The following DKK3 variants were observed in gnomAD, a reference collection of about 807,000 sequenced individuals.
DKK3 encodes the protein dickkopf-related protein 3.
A neutral mutation model predicts 33.2 loss-of-function variants in DKK3; 22 were observed. The observed-to-expected ratio is 0.66, with a 90% CI of 0.47 to 0.95. The LOEUF is 0.95. Ranked by LOEUF, DKK3 falls within the 40% of genes least tolerant of loss-of-function variation. The pLI is 0.00. For missense variants in DKK3, 398 were observed against 458.4 expected (o/e 0.87, Z 1.20); for synonymous variants, 194 against 188.8 (o/e 1.03, Z -0.23).
intron 6 of DKK3, among the ~76,000 whole-genome samples, chr11:11,964,932 G>T (rs1847551174): frequency 6.6e-6 from 1 of 152,150 alleles, no homozygotes; most frequent in Non-Finnish European, 1.5e-5. Flanking sequence ...CTGACCTCCT[G>T]TGACTCTCAG....
At chr11:11,987,924 G>A (rs529867648) in intron 3 of DKK3, among the ~76,000 whole-genome samples, 1 of 152,236 alleles carries the variant, frequency 6.6e-6, no homozygotes, top group African/African-American at 2.4e-5. Context: ...GCCACAAGGG[G>A]TCCAGGAAAT....
At chr11:11,984,446 T>C (rs980128196) in intron 3 of DKK3, among the ~76,000 whole-genome samples, 5 of 152,154 alleles carry the variant, frequency 3.3e-5, no homozygotes, top group African/African-American at 4.8e-5. Context: ...GCAAATATTG[T>C]GGTTTGTTGT....
chr11:11,970,619 G>A (rs140915210), intron 3 of DKK3, among the ~76,000 whole-genome samples: 3 of 152,294 alleles, frequency 2.0e-5, no homozygotes, highest in Non-Finnish European at 2.9e-5. Context: ...GGTAGGGAGC[G>A]CACTCTGGAT....
chr11:11,973,837 T>C (rs1484933849), intron 3 of DKK3, among the ~76,000 whole-genome samples: 1 of 152,166 alleles, frequency 6.6e-6, no homozygotes, highest in Non-Finnish European at 1.5e-5. Flanking sequence ...AGGCTCTGAG[T>C]GAGCAGAAGT....
chr11:11,998,701 T>C lies in DKK3; in HGVS notation c.430A>G (p.Ser144Gly), dbSNP rs765132851. ...CAGGGGAAATGACAACTTACGTGGC[T>C]CCTTCTGCCTTCTTCGTCTCCCACA... ...TSVGDEEGRR[S>G]HECIIDEDCG... Residue 144 changes from serine (S) to glycine (G), a missense_variant, in exon 3 of 7, where the codon AGC (serine) becomes GGC (glycine). Ser to Gly is a moderately conservative substitution (Grantham distance 56). Transcript: ENST00000683431. 1.2e-6 allele frequency: 2 copies of C among 1,613,964 alleles called. No individual in the cohort carries two copies. Among genetic ancestry groups the C allele is most frequent in the Non-Finnish European group, 1.7e-6 (2 of 1,179,838 alleles).
At chr11:11,972,470 A>C (rs1011517428) in intron 3 of DKK3, among the ~76,000 whole-genome samples, 1 of 152,210 alleles carries the variant, frequency 6.6e-6, no homozygotes, top group Non-Finnish European at 1.5e-5. Flanking sequence ...TGTCCACCCC[A>C]GGCAAGTCCT....
At position 11,993,204 on chromosome 11, in the gene DKK3, A is replaced by T. The variant is rs111427567; in HGVS notation, c.435+5492T>A. 2.1e-3 allele frequency among the ~76,000 whole-genome samples: 315 copies of T among 152,342 alleles called. 1 individual carries two copies. Among genetic ancestry groups the T allele is most frequent in the African/African-American group, 7.4e-3 (307 of 41,592 alleles). ...AAATTCACAAACTCTTTTGAAAATA[A>T]AGAAATCTATAAAGGGTCTCTGCAA... is the stretch of plus-strand genomic sequence containing the variant. On this transcript the variant is annotated intron_variant, in intron 3 of 6. Transcript: ENST00000683431.
intron 3 of DKK3, among the ~76,000 whole-genome samples, chr11:11,970,216 G>A (rs1839629066): frequency 6.6e-6 from 1 of 152,178 alleles, no homozygotes. Context: ...TGAGGGACTG[G>A]GGACACAAAG....
chr11:12,002,260 T>C, intron 2 of DKK3, 40 bp downstream of exon 2: 1 of 1,597,494 alleles, frequency 6.3e-7, no homozygotes, highest in Non-Finnish European at 8.6e-7. Flanking sequence ...CTGATGGGAC[T>C]GGACGCTATA....
At chr11:11,993,351 TTAAA>T (rs1848225054) in intron 3 of DKK3, among the ~76,000 whole-genome samples, 1 of 151,976 alleles carries the variant, frequency 6.6e-6, no homozygotes, top group African/African-American at 2.4e-5. Flanking sequence ...TTTATATACT[TTAAA>T]TATTATATAT....
At chr11:11,967,238 GA>G (rs1365649584) in intron 4 of DKK3, 140 bp from the exon 5 acceptor site, 25 of 1,100,774 alleles carry the variant, frequency 2.3e-5, no homozygotes, top group Middle Eastern at 3.1e-4. Context: ...AGATTTCAGT[GA>G]AAGTCAGTGG....
intron 3 of DKK3, among the ~76,000 whole-genome samples, chr11:11,982,481 G>T (rs1327853270): frequency 1.3e-5 from 2 of 152,040 alleles, no homozygotes; most frequent in African/African-American, 2.4e-5. Context: ...CTGGCTTCAG[G>T]GTGCAAATAG....
chr11:11,975,103 C>T (rs922455011), intron 3 of DKK3, among the ~76,000 whole-genome samples: 2 of 152,144 alleles, frequency 1.3e-5, no homozygotes, highest in East Asian at 3.9e-4. Flanking sequence ...CCTCCAGAAC[C>T]GTGACAGAAT....
At chr11:11,989,924 C>T (rs888459780) in intron 3 of DKK3, among the ~76,000 whole-genome samples, 2 of 152,192 alleles carry the variant, frequency 1.3e-5, no homozygotes, top group Non-Finnish European at 1.5e-5. Flanking sequence ...TGCCTTGTAT[C>T]ATTGTCATGT....
intron 2 of DKK3, among the ~76,000 whole-genome samples, chr11:12,001,160 G>A (rs977481259): frequency 6.6e-6 from 1 of 152,200 alleles, no homozygotes; most frequent in Non-Finnish European, 1.5e-5. Context: ...GTCAGAAAGG[G>A]TGACTTGATA....
rs1038708982 is a variant in DKK3, at chr11:11,963,659, A to G, written c.*805T>C. 6.6e-6 allele frequency: 1 copy of G among 152,210 alleles called. No homozygotes were observed. The highest frequency in any genetic ancestry group is 1.5e-5 in the Non-Finnish European group (1 of 68,048). The allele number at this position is 152,210 out of a possible 1,614,324, so 9.4% of individuals were successfully genotyped here. ...GTGCATGCCTCAAAAGAAAAATCCC[A>G]TTCTCCTTCCTTTTGGGGAGCACTT... On this transcript the variant is annotated 3_prime_UTR_variant, in exon 7 of 7. Coordinates refer to ENST00000683431, the MANE Select transcript of DKK3 (RefSeq NM_001018057.2).
rs1279015657 is a variant in DKK3, at chr11:11,963,930, G to A, written c.*534C>T. The A allele has an allele frequency of 1.3e-5, 2 of 156,850 alleles. No individual in the cohort carries two copies. Among genetic ancestry groups the A allele is most frequent in the African/African-American group, 4.8e-5 (2 of 41,474 alleles). 9.7% of individuals were successfully genotyped at this position (156,850 alleles called of 1,614,324 possible). ...ACAGAGGTAGGAGCTGAGCAACACT[G>A]CTGGATGAATAAACACATGTAATGC... On this transcript the variant is annotated 3_prime_UTR_variant, in exon 7 of 7. Transcript: ENST00000683431.
chr11:11,979,986 G>A (rs1249852104), intron 3 of DKK3: 2 of 152,278 alleles, frequency 1.3e-5, no homozygotes, highest in African/African-American at 2.4e-5. Flanking sequence ...AAGGAGAGAG[G>A]GAGTGAACAA....
chr11:11,997,289 C>T (rs931836451), intron 3 of DKK3, among the ~76,000 whole-genome samples: 3 of 152,148 alleles, frequency 2.0e-5, no homozygotes, highest in Non-Finnish European at 4.4e-5. Context: ...AGTTCTGCTT[C>T]CCCTGCCCTT....
Sources: gnomAD v4.1 joint callset for allele counts (sites outside exome capture counted in the v4.1 genomes callset) on GRCh38, gnomAD v4.1.1 for gene constraint, MANE v1.5 for transcripts, NCBI Gene and HGNC (gene_info 2026-07-23, HGNC 2026-07-21) for gene names.